The following MACROD2 variants were observed in gnomAD, a reference collection of about 807,000 sequenced individuals.
MACROD2 encodes mono-ADP ribosylhydrolase 2, also known as ADP-ribose glycohydrolase MACROD2.
MACROD2 carries 36 observed loss-of-function variants against 70.4 expected under a neutral mutation model. The ratio of observed to expected loss-of-function variants is 0.51; its 90% CI spans 0.39 to 0.68. MACROD2 has a LOEUF of 0.68. MACROD2 is among the 30% of genes least tolerant of loss of function. The pLI is 0.00. For missense variants in MACROD2, 496 were observed against 538.4 expected, an observed-to-expected ratio of 0.92 and a Z score of 0.78; for synonymous variants, 172 against 178.8, an observed-to-expected ratio of 0.96 and a Z score of 0.30.
chr20:15,098,636 C>A (rs2075850852), intron 5 of MACROD2, among the ~76,000 whole-genome samples: 4 of 152,178 alleles, frequency 2.6e-5, no homozygotes, highest in Non-Finnish European at 5.9e-5. Context: ...AAGATTTAGT[C>A]CTTGCTATCC....
At chr20:14,655,761 T>C (rs568668019) in intron 4 of MACROD2, among the ~76,000 whole-genome samples, 2 of 152,304 alleles carry the variant, frequency 1.3e-5, no homozygotes, top group Non-Finnish European at 2.9e-5. Context: ...GAAATTAACT[T>C]CCTGTGATTC....
At chr20:14,364,378 T>A (rs996219352) in intron 3 of MACROD2, among the ~76,000 whole-genome samples, 1 of 152,116 alleles carries the variant, frequency 6.6e-6, no homozygotes, top group Non-Finnish European at 1.5e-5. Flanking sequence ...AAGGTTTAGT[T>A]TTGCCTATCA....
At chr20:14,907,306 G>C (rs1325077072) in intron 5 of MACROD2, among the ~76,000 whole-genome samples, 1 of 152,230 alleles carries the variant, frequency 6.6e-6, no homozygotes, top group African/African-American at 2.4e-5. Context: ...GGATGGCCCT[G>C]CTCTGCAAGG....
intron 8 of MACROD2, among the ~76,000 whole-genome samples, chr20:15,766,211 C>T (rs977125011): frequency 1.1e-4 from 17 of 152,166 alleles, no homozygotes; most frequent in Non-Finnish European, 2.4e-4. Context: ...AAGCCATCTC[C>T]ATCAGAGCCA....
chr20:15,765,887 A>G (rs935890920), intron 8 of MACROD2, among the ~76,000 whole-genome samples: 3 of 147,452 alleles, frequency 2.0e-5, no homozygotes, highest in African/African-American at 5.1e-5. Context: ...AGAAAAGCAG[A>G]TATAAAATTA....
At chr20:14,181,627 T>C (rs2081306285) in intron 3 of MACROD2, among the ~76,000 whole-genome samples, 1 of 152,036 alleles carries the variant, frequency 6.6e-6, no homozygotes, top group Non-Finnish European at 1.5e-5. Context: ...ACCCCTCAAC[T>C]TTGTCACATC....
At chr20:15,023,798 A>C (rs1263259519) in intron 5 of MACROD2, among the ~76,000 whole-genome samples, 1 of 152,150 alleles carries the variant, frequency 6.6e-6, no homozygotes, top group Non-Finnish European at 1.5e-5. Flanking sequence ...CTGCAATTCA[A>C]GATGAGATTT....
At chr20:15,626,987 A>G (rs1465860923) in intron 8 of MACROD2, among the ~76,000 whole-genome samples, 3 of 152,162 alleles carry the variant, frequency 2.0e-5, no homozygotes, top group Non-Finnish European at 2.9e-5. Flanking sequence ...AGAAGAAGAG[A>G]GAGAGATGCT....
intron 4 of MACROD2, among the ~76,000 whole-genome samples, chr20:14,502,315 A>G (rs768222877): frequency 6.6e-6 from 1 of 152,146 alleles, no homozygotes; most frequent in African/African-American, 2.4e-5. Context: ...TTACCCCTCA[A>G]ACTGAAGATA....
intron 3 of MACROD2, among the ~76,000 whole-genome samples, chr20:14,455,195 T>C (rs1051511244): frequency 1.3e-5 from 2 of 151,914 alleles, no homozygotes; most frequent in Admixed American, 1.3e-4. Flanking sequence ...AATTCTTTTA[T>C]AATAAACCAT....
chr20:14,531,427 G>A (rs531925793), intron 4 of MACROD2, among the ~76,000 whole-genome samples: 4 of 152,254 alleles, frequency 2.6e-5, no homozygotes, highest in South Asian at 2.1e-4. Context: ...CCAAGCAAAG[G>A]GATGCCTGGA....
intron 3 of MACROD2, among the ~76,000 whole-genome samples, chr20:14,396,516 G>A (rs867122406): frequency 5.9e-5 from 9 of 152,042 alleles, no homozygotes; most frequent in African/African-American, 1.7e-4. Flanking sequence ...TAGCCGTTCC[G>A]ATTTTCTTGT....
intron 8 of MACROD2, among the ~76,000 whole-genome samples, chr20:15,508,128 A>G (rs768009351): frequency 5.3e-5 from 8 of 152,264 alleles, no homozygotes; most frequent in African/African-American, 1.7e-4. Context: ...CTACAGTCCT[A>G]TGTAGATTAG....
At chr20:14,006,588 C>T (rs1161853148) in intron 2 of MACROD2, among the ~76,000 whole-genome samples, 4 of 151,914 alleles carry the variant, frequency 2.6e-5, no homozygotes, top group Non-Finnish European at 5.9e-5. Flanking sequence ...ATGTTTTTCC[C>T]ATTGTCTCAT....
chr20:14,831,029 C>T (rs762861333), intron 5 of MACROD2, among the ~76,000 whole-genome samples: 3 of 152,100 alleles, frequency 2.0e-5, no homozygotes, highest in Non-Finnish European at 4.4e-5. Flanking sequence ...ACATTTCCCT[C>T]GGGATGGTGG....
At chr20:15,056,585 A>G (rs1333630129) in intron 5 of MACROD2, among the ~76,000 whole-genome samples, 1 of 152,202 alleles carries the variant, frequency 6.6e-6, no homozygotes, top group Non-Finnish European at 1.5e-5. Flanking sequence ...TACTTGGTTC[A>G]ACAGTAAATA....
chr20:14,767,990 A>G (rs1016965957), intron 5 of MACROD2, among the ~76,000 whole-genome samples: 5 of 152,102 alleles, frequency 3.3e-5, no homozygotes, highest in African/African-American at 7.3e-5. Flanking sequence ...ATGGCTGCAT[A>G]GTATTCCATG....
intron 5 of MACROD2, among the ~76,000 whole-genome samples, chr20:14,984,477 C>A (rs1396457439): frequency 6.6e-6 from 1 of 152,146 alleles, no homozygotes; most frequent in Non-Finnish European, 1.5e-5. Flanking sequence ...TCCCCTTGCT[C>A]TTTTTTCCTT....
chr20:14,177,491 T>C (rs910632569), intron 3 of MACROD2, among the ~76,000 whole-genome samples: 5 of 152,044 alleles, frequency 3.3e-5, no homozygotes, highest in Admixed American at 1.3e-4. Context: ...TAATTTTGTA[T>C]TTTTAGTAGA....
Sources: gnomAD v4.1 joint callset for allele counts (sites outside exome capture counted in the v4.1 genomes callset) on GRCh38, gnomAD v4.1.1 for gene constraint, MANE v1.5 for transcripts, NCBI Gene and HGNC (gene_info 2026-07-23, HGNC 2026-07-21) for gene names.